The following LHFPL3 variants were observed in gnomAD, a reference collection of about 807,000 sequenced individuals.
LHFPL3 encodes the protein LHFPL tetraspan subfamily member 3, also known as LHFPL tetraspan subfamily member 3 protein.
A neutral mutation model predicts 19.3 loss-of-function variants in LHFPL3; 5 were observed. The ratio of observed to expected loss-of-function variants is 0.26; its 90% confidence interval spans 0.14 to 0.54. The LOEUF (loss-of-function observed/expected upper bound fraction) is 0.54, where lower values mean the gene tolerates loss of function less well. Among genes scored for constraint, LHFPL3 ranks in the 20% least tolerant of loss-of-function variants. The probability of loss-of-function intolerance (pLI) is 0.94; values close to 1 mark genes in which losing one functional copy is unlikely to be tolerated. For synonymous variants in LHFPL3, 133 were observed against 126.2 expected (o/e 1.05, Z -0.36); for missense variants, 249 against 307.4 (o/e 0.81, Z 1.42).
chr7:104,386,438 G>C (rs56163229), intron 1 of LHFPL3, among the ~76,000 whole-genome samples: 11,034 of 152,218 alleles, frequency 0.072, 447 homozygotes, highest in East Asian at 0.17. Flanking sequence ...GATTAAAAGA[G>C]CCTGGCTAAA....
intron 1 of LHFPL3, among the ~76,000 whole-genome samples, chr7:104,451,767 C>T (rs975780961): frequency 2.6e-5 from 4 of 151,238 alleles, no homozygotes; most frequent in Admixed American, 6.6e-5. Context: ...TTTCTTGAGT[C>T]GGAGTCTCAC....
rs71794813 is a variant in LHFPL3, at chr7:104,328,746, CAGGAGGAGG to C, written c.-15_-7del. On this transcript the variant is annotated 5_prime_UTR_variant, in exon 1 of 3. Coordinates refer to ENST00000424859, the MANE Select transcript of LHFPL3 (RefSeq NM_199000.3). The surrounding 1 kb of genome is among the most constrained non-coding windows in gnomAD (Gnocchi z 4.6). ...TGAGAGGCGGGGGGAGGCGGAGGAC[CAGGAGGAGG>C]AGGAGGAGGAGGAGGAGGGGGAGAA... is the stretch of plus-strand genomic sequence containing the variant. 2.4e-4 allele frequency: 353 copies of C among 1,479,178 alleles called. No individual in the cohort carries two copies. The highest frequency in any genetic ancestry group is 8.9e-4 in the African/African-American group (62 of 69,782). The allele number at this position is 1,479,178 out of a possible 1,614,324, so 91.6% of individuals were successfully genotyped here.
intron 1 of LHFPL3, among the ~76,000 whole-genome samples, chr7:104,357,271 G>A (rs889684629): frequency 3.9e-5 from 6 of 152,146 alleles, no homozygotes; most frequent in African/African-American, 1.4e-4. Context: ...TATTCTCAGA[G>A]CTAGAGATCA....
chr7:104,692,147 G>T lies in LHFPL3; in HGVS notation c.446-44528G>T, dbSNP rs142889849. Among the ~76,000 whole-genome samples, 65 of 152,302 alleles carry T rather than the reference G, an allele frequency of 4.3e-4. No individual in the cohort carries two copies. In the Middle Eastern group the frequency reaches 0.01, roughly 24 times the overall value. ...GCAACGCATTGAAGATGTGATTTGG[G>T]TGCTCTTAAAAGAATTCAGTTTTAT... On this transcript the variant is annotated intron_variant, in intron 1 of 2. Coordinates refer to ENST00000424859, the MANE Select transcript of LHFPL3 (RefSeq NM_199000.3).
intron 1 of LHFPL3, among the ~76,000 whole-genome samples, chr7:104,597,299 A>C (rs1487715093): frequency 3.3e-5 from 5 of 152,214 alleles, no homozygotes; most frequent in Non-Finnish European, 5.9e-5. Context: ...ATATTCATTT[A>C]AAGCTGTCTT....
intron 1 of LHFPL3, among the ~76,000 whole-genome samples, chr7:104,474,687 C>CAAAAAAAAAAAAAA (rs928431129): frequency 4.9e-5 from 2 of 41,044 alleles, no homozygotes; most frequent in Non-Finnish European, 1.1e-4. Flanking sequence ...ACAACAACAA[C>CAAAAAAAAAAAAAA]AAAAAAAAAA....
At chr7:104,433,708 C>T (rs1404040747) in intron 1 of LHFPL3, among the ~76,000 whole-genome samples, 6 of 152,158 alleles carry the variant, frequency 3.9e-5, no homozygotes, top group Non-Finnish European at 7.3e-5. Flanking sequence ...TTGGACTCAG[C>T]TTTGTCTTGA....
intron 1 of LHFPL3, among the ~76,000 whole-genome samples, chr7:104,450,712 T>C (rs1792418655): frequency 6.6e-6 from 1 of 151,798 alleles, no homozygotes; most frequent in Non-Finnish European, 1.5e-5. Context: ...CCCCAGAACT[T>C]AAAGTATAAT....
chr7:104,736,556 T>C (rs1793826270), intron 1 of LHFPL3, 119 bp from the exon 2 acceptor site: 1 of 710,586 alleles, frequency 1.4e-6, no homozygotes, highest in East Asian at 2.7e-5. Flanking sequence ...AGATTTGCTG[T>C]TTTTTAAATC....
At chr7:104,456,568 G>A (rs1283578800) in intron 1 of LHFPL3, among the ~76,000 whole-genome samples, 1 of 152,134 alleles carries the variant, frequency 6.6e-6, no homozygotes, top group Non-Finnish European at 1.5e-5. Flanking sequence ...GTAGATCCTA[G>A]CAACCTCAGT....
At chr7:104,582,260 T>C (rs1157724206) in intron 1 of LHFPL3, among the ~76,000 whole-genome samples, 1 of 152,012 alleles carries the variant, frequency 6.6e-6, no homozygotes, top group African/African-American at 2.4e-5. Context: ...AATTTTATTT[T>C]CCAATTGTTT....
At chr7:104,577,257 A>G (rs552413426) in intron 1 of LHFPL3, among the ~76,000 whole-genome samples, 4 of 152,262 alleles carry the variant, frequency 2.6e-5, no homozygotes, top group African/African-American at 9.6e-5. Context: ...ATCAAAAACA[A>G]TGCACTCAAG....
At chr7:104,430,383 C>CTAA (rs1378252206) in intron 1 of LHFPL3, among the ~76,000 whole-genome samples, 1 of 39,702 alleles carries the variant, frequency 2.5e-5, no homozygotes, top group Admixed American at 4.3e-4. Flanking sequence ...TATATATATA[C>CTAA]ATATATATAT....
At chr7:104,509,188 G>C (rs1336345477) in intron 1 of LHFPL3, among the ~76,000 whole-genome samples, 2 of 151,570 alleles carry the variant, frequency 1.3e-5, no homozygotes, top group East Asian at 3.9e-4. Flanking sequence ...AGGAGGGAAC[G>C]CTTCCTGATT....
At chr7:104,686,868 C>A (rs890031171) in intron 1 of LHFPL3, among the ~76,000 whole-genome samples, 1 of 152,202 alleles carries the variant, frequency 6.6e-6, no homozygotes, top group South Asian at 2.1e-4. Flanking sequence ...CAAACAGGTC[C>A]TTTTTCACAT....
chr7:104,686,594 G>A (rs894161073), intron 1 of LHFPL3, among the ~76,000 whole-genome samples: 3 of 152,094 alleles, frequency 2.0e-5, no homozygotes, highest in African/African-American at 4.8e-5. Context: ...ACCCAATTCT[G>A]ACGCTGTCTA....
intron 1 of LHFPL3, among the ~76,000 whole-genome samples, chr7:104,611,095 T>C (rs974418579): frequency 1.3e-5 from 2 of 152,202 alleles, no homozygotes; most frequent in African/African-American, 4.8e-5. Context: ...AAGGCAGTGC[T>C]AGGCTGATAA....
intron 1 of LHFPL3, among the ~76,000 whole-genome samples, chr7:104,430,419 CATATAT>C (rs1457442187): frequency 0.017 from 245 of 14,598 alleles, 10 homozygotes; most frequent in East Asian, 0.057. Context: ...TATATATATA[CATATAT>C]ATATATATAT....
chr7:104,398,232 A>G (rs1311992837), intron 1 of LHFPL3, among the ~76,000 whole-genome samples: 1 of 152,152 alleles, frequency 6.6e-6, no homozygotes, highest in East Asian at 1.9e-4. Context: ...TACTCTTTCC[A>G]CTTGTTCACA....
Sources: gnomAD v4.1 joint callset for allele counts (sites outside exome capture counted in the v4.1 genomes callset) on GRCh38, gnomAD v4.1.1 for gene constraint, Gnocchi (gnomAD v3.1) non-coding constraint, MANE v1.5 for transcripts, NCBI Gene and HGNC (gene_info 2026-07-23, HGNC 2026-07-21) for gene names.